BANP: variants seen among roughly 807,000 people sequenced by gnomAD.
BANP encodes the protein protein BANP.
In BANP, 11 loss-of-function variants were observed where a neutral mutation model predicts 68.1. The observed-to-expected ratio is 0.16, with a 90% CI of 0.10 to 0.27. The LOEUF is 0.27. Among genes scored for constraint, BANP ranks in the 10% least tolerant of loss-of-function variants. The pLI, the probability that BANP is intolerant of heterozygous loss-of-function variation, is 1.00. For synonymous variants in BANP, 329 were observed against 303.2 expected (o/e 1.09, Z -0.88); for missense variants, 504 against 722.7 (o/e 0.70, Z 3.47).
At chr16:87,984,540 G>A (rs2063916379) in intron 4 of BANP, among the ~76,000 whole-genome samples, 1 of 152,188 alleles carries the variant, frequency 6.6e-6, no homozygotes. Flanking sequence ...CTTAGAAAAT[G>A]TACATGTGCT....
chr16:88,063,147 T>C (rs12928288), intron 11 of BANP, among the ~76,000 whole-genome samples: 71,109 of 152,224 alleles, frequency 0.47, 19,521 homozygotes, highest in Non-Finnish European at 0.64. Flanking sequence ...CGCGGCCTTC[T>C]GTGTGACTGT....
At chr16:87,955,117 C>T (rs2057785408) in intron 1 of BANP, among the ~76,000 whole-genome samples, 1 of 152,198 alleles carries the variant, frequency 6.6e-6, no homozygotes, top group East Asian at 1.9e-4. Flanking sequence ...GCCGTCTGCC[C>T]TGCTGGGGTC....
intron 6 of BANP, among the ~76,000 whole-genome samples, chr16:88,009,578 TAAG>T (rs1480775819): frequency 3.3e-5 from 5 of 152,244 alleles, no homozygotes; most frequent in Non-Finnish European, 7.3e-5. Context: ...TCCACTGGAA[TAAG>T]AAGGATGGTA....
chr16:88,056,507 A>C (rs184973376), intron 11 of BANP, among the ~76,000 whole-genome samples: 1 of 151,210 alleles, frequency 6.6e-6, no homozygotes. Flanking sequence ...ATGATGACTG[A>C]AATGTACACT....
chr16:88,005,160 C>G (rs528930007), intron 5 of BANP, among the ~76,000 whole-genome samples: 22 of 152,254 alleles, frequency 1.4e-4, no homozygotes, highest in African/African-American at 5.1e-4. Context: ...GGGTCTGATA[C>G]GTGGGGTGAA....
At chr16:88,035,830 T>A (rs2079210536) in intron 10 of BANP, among the ~76,000 whole-genome samples, 1 of 152,222 alleles carries the variant, frequency 6.6e-6, no homozygotes, top group African/African-American at 2.4e-5. Context: ...TAGTGCCGAT[T>A]TCATGGGATG....
At chr16:88,047,289 G>A (rs1418370080) in intron 11 of BANP, among the ~76,000 whole-genome samples, 1 of 152,136 alleles carries the variant, frequency 6.6e-6, no homozygotes, top group Non-Finnish European at 1.5e-5. Context: ...GGTGGGGAAG[G>A]GCCAAGAATG....
At chr16:88,069,454 G>A (rs533153456) in intron 12 of BANP, among the ~76,000 whole-genome samples, 2 of 152,172 alleles carry the variant, frequency 1.3e-5, no homozygotes, top group African/African-American at 2.4e-5. Context: ...CAGAGTCCCC[G>A]CCTTCTCTCT....
intron 11 of BANP, among the ~76,000 whole-genome samples, chr16:88,060,647 C>T (rs1285577734): frequency 6.6e-6 from 1 of 152,204 alleles, no homozygotes; most frequent in Admixed American, 6.5e-5. Context: ...TGGCCTCTTT[C>T]TGTGGGGAGC....
At chr16:88,026,185 C>A (rs60708203) in intron 7 of BANP, among the ~76,000 whole-genome samples, 2 of 152,326 alleles carry the variant, frequency 1.3e-5, no homozygotes, top group African/African-American at 4.8e-5. Flanking sequence ...CAGTTCTCTG[C>A]GTGTGCACGG....
At chr16:88,067,547 C>G (rs2089036912) in intron 12 of BANP, among the ~76,000 whole-genome samples, 1 of 152,172 alleles carries the variant, frequency 6.6e-6, no homozygotes, top group Admixed American at 6.5e-5. Flanking sequence ...ATTTGAGATA[C>G]TTTATGGGTA....
chr16:87,977,251 T>C (rs1176006114), intron 2 of BANP, among the ~76,000 whole-genome samples: 3 of 151,902 alleles, frequency 2.0e-5, no homozygotes, highest in African/African-American at 7.3e-5. Flanking sequence ...CTACTTAAAA[T>C]ACAAAAAAAT....
At chr16:87,966,987 G>A (rs1240392115) in intron 1 of BANP, 1 of 152,390 alleles carries the variant, frequency 6.6e-6, no homozygotes, top group Non-Finnish European at 1.5e-5. Flanking sequence ...CTCCTTCCAC[G>A]CCTGGCACCA....
intron 6 of BANP, among the ~76,000 whole-genome samples, chr16:88,008,033 T>C (rs2071773925): frequency 6.6e-6 from 1 of 152,188 alleles, no homozygotes; most frequent in Admixed American, 6.5e-5. Context: ...TCACTTTCCA[T>C]TCTCCCAGCC....
chr16:87,951,151 C>G (rs1390116280), upstream of BANP, among the ~76,000 whole-genome samples: 3 of 152,246 alleles, frequency 2.0e-5, no homozygotes, highest in African/African-American at 7.2e-5. Context: ...CGTATTCATT[C>G]CGTCTCAAAG....
In BANP at chr16:88,003,696, A is replaced by C. The variant is rs557739320; in HGVS notation, c.363-599A>C. On this transcript the variant is annotated intron_variant, in intron 4 of 13. Coordinates refer to ENST00000682872, the MANE Select transcript of BANP (RefSeq NM_001386991.1). This position sits in a 1 kb window ranked among gnomAD's most constrained non-coding sequence, Gnocchi z 6.1. Reference sequence around the variant, plus strand: ...TTCTTTTGTAGAATCTTTTCCTTCAAAGCAGAACCCTGAGCCCTTTGGTTG... The same window carrying C: ...TTCTTTTGTAGAATCTTTTCCTTCACAGCAGAACCCTGAGCCCTTTGGTTG... The C allele has an allele frequency of 8.4e-6, 3 of 356,716 alleles. No homozygotes were observed. The highest frequency in any genetic ancestry group is 6.4e-5 in the African/African-American group (3 of 46,782). 22.1% of individuals were successfully genotyped at this position (356,716 alleles called of 1,614,324 possible).
At chr16:87,956,315 G>C (rs1219688118) in intron 1 of BANP, among the ~76,000 whole-genome samples, 2 of 152,176 alleles carry the variant, frequency 1.3e-5, no homozygotes, top group African/African-American at 4.8e-5. Context: ...TTGAGGGTTT[G>C]AATGAGAATG....
intron 2 of BANP, among the ~76,000 whole-genome samples, chr16:87,976,815 T>A (rs983517684): frequency 1.3e-5 from 2 of 152,236 alleles, no homozygotes; most frequent in Non-Finnish European, 2.9e-5. Flanking sequence ...TCAGGAGTGC[T>A]GCTGGTTAGT....
In BANP at chr16:87,957,542, T is replaced by G. The variant is rs1415736067; in HGVS notation, c.-69+6027T>G. 6.6e-6 allele frequency among the ~76,000 whole-genome samples: 1 copy of G among 152,240 alleles called. No individual in the cohort carries two copies. The highest frequency in any genetic ancestry group is 2.4e-5 in the African/African-American group (1 of 41,466). ...GGAGGCCTGCCGCAGGGCCCTGCGC[T>G]GACAAACCTTTCGCTAGTGACCAGT... On this transcript the variant is annotated intron_variant, in intron 1 of 13. Coordinates refer to ENST00000682872, the MANE Select transcript of BANP (RefSeq NM_001386991.1). This position sits in a 1 kb window ranked among gnomAD's most constrained non-coding sequence, Gnocchi z 4.3.
Sources: gnomAD v4.1 joint callset for allele counts (sites outside exome capture counted in the v4.1 genomes callset) on GRCh38, gnomAD v4.1.1 for gene constraint, Gnocchi (gnomAD v3.1) non-coding constraint, MANE v1.5 for transcripts, NCBI Gene and HGNC (gene_info 2026-07-23, HGNC 2026-07-21) for gene names.